GRIA1: variants seen among roughly 807,000 people sequenced by gnomAD.
GRIA1 encodes the protein glutamate ionotropic receptor AMPA type subunit 1, also known as glutamate receptor 1.
GRIA1 carries 31 observed loss-of-function variants against 99.2 expected under a neutral mutation model. The ratio of observed to expected loss-of-function variants is 0.31; its 90% CI spans 0.23 to 0.42. The LOEUF is 0.42. GRIA1 is among the 10% of genes least tolerant of loss of function. The pLI is 1.00. For missense variants in GRIA1, 782 were observed against 1,157.5 expected (o/e 0.68, Z 4.71); for synonymous variants, 438 against 432.4 (o/e 1.01, Z -0.16).
intron 2 of GRIA1, among the ~76,000 whole-genome samples, chr5:153,638,246 C>T (rs1402298338): frequency 6.6e-6 from 1 of 152,176 alleles, no homozygotes; most frequent in Non-Finnish European, 1.5e-5. Flanking sequence ...CCACTCTATT[C>T]CACAGTGTCT....
chr5:153,504,650 T>C (rs1440988374), intron 2 of GRIA1, among the ~76,000 whole-genome samples: 1 of 152,138 alleles, frequency 6.6e-6, no homozygotes, highest in Non-Finnish European at 1.5e-5. Flanking sequence ...TTCAGGCTTC[T>C]GAGTTAATCA....
chr5:153,660,859 A>G (rs1755320786), intron 5 of GRIA1, among the ~76,000 whole-genome samples: 1 of 152,146 alleles, frequency 6.6e-6, no homozygotes, highest in African/African-American at 2.4e-5. Context: ...CATTGATGGA[A>G]TTTTATTAAA....
chr5:153,555,034 C>T (rs4260727), intron 2 of GRIA1, among the ~76,000 whole-genome samples: 70,902 of 151,820 alleles, frequency 0.47, 18,284 homozygotes, highest in Non-Finnish European at 0.59. Context: ...CTTTTGCTAC[C>T]AGGACATGCA....
chr5:153,736,619 A>T (rs1285308523), intron 11 of GRIA1, among the ~76,000 whole-genome samples: 2 of 152,202 alleles, frequency 1.3e-5, no homozygotes, highest in African/African-American at 4.8e-5. Context: ...ATCTCCCTGG[A>T]TTCAAAAATG....
chr5:153,544,742 G>A, intron 2 of GRIA1, among the ~76,000 whole-genome samples: 1 of 152,218 alleles, frequency 6.6e-6, no homozygotes, highest in African/African-American at 2.4e-5. Context: ...GGAAAAGATA[G>A]CTAGTAAGAT....
At chr5:153,782,772 G>A (rs1412832590) in intron 13 of GRIA1, among the ~76,000 whole-genome samples, 5 of 152,108 alleles carry the variant, frequency 3.3e-5, no homozygotes, top group Admixed American at 6.5e-5. Flanking sequence ...ACAGCCAGGC[G>A]GAAGACGGGG....
intron 8 of GRIA1, among the ~76,000 whole-genome samples, chr5:153,691,305 A>T (rs1432552124): frequency 1.3e-5 from 2 of 152,214 alleles, no homozygotes; most frequent in African/African-American, 2.4e-5. Flanking sequence ...ATTCTGATAA[A>T]TGGCTGCCCA....
At chr5:153,503,575 T>C (rs1389125820) in intron 2 of GRIA1, among the ~76,000 whole-genome samples, 1 of 152,216 alleles carries the variant, frequency 6.6e-6, no homozygotes, top group Non-Finnish European at 1.5e-5. Context: ...TACCCATAAA[T>C]GAATCTATTT....
chr5:153,603,220 A>G (rs1244334635), intron 2 of GRIA1, among the ~76,000 whole-genome samples: 1 of 152,010 alleles, frequency 6.6e-6, no homozygotes, highest in East Asian at 1.9e-4. Context: ...ATGATTTCCA[A>G]TTTCATCCAT....
intron 2 of GRIA1, among the ~76,000 whole-genome samples, chr5:153,620,711 A>C (rs1287988583): frequency 1.3e-5 from 2 of 152,270 alleles, no homozygotes; most frequent in African/African-American, 4.8e-5. Flanking sequence ...CCTATTTATA[A>C]AATGGGGAAA....
intron 11 of GRIA1, among the ~76,000 whole-genome samples, chr5:153,728,062 C>A (rs1345311300): frequency 6.6e-6 from 1 of 150,978 alleles, no homozygotes; most frequent in Non-Finnish European, 1.5e-5. Flanking sequence ...AGAACAGAGC[C>A]CTCAGAAATA....
At chr5:153,660,619 C>G (rs568961864) in intron 5 of GRIA1, among the ~76,000 whole-genome samples, 1 of 152,266 alleles carries the variant, frequency 6.6e-6, no homozygotes, top group South Asian at 2.1e-4. Context: ...TCTGACATTC[C>G]AACCCAGGCT....
intron 11 of GRIA1, among the ~76,000 whole-genome samples, chr5:153,747,157 C>A (rs1762211044): frequency 6.6e-6 from 1 of 152,166 alleles, no homozygotes; most frequent in East Asian, 1.9e-4. Context: ...GTGGGCTATA[C>A]AAGCATGGCA....
intron 2 of GRIA1, among the ~76,000 whole-genome samples, chr5:153,547,676 C>G (rs1006390552): frequency 3.3e-5 from 5 of 152,176 alleles, no homozygotes; most frequent in Non-Finnish European, 7.3e-5. Flanking sequence ...TTAGTAATAG[C>G]TAGTTACTTG....
chr5:153,581,754 CT>C (rs10710677), intron 2 of GRIA1, among the ~76,000 whole-genome samples: 126,173 of 139,530 alleles, frequency 0.9, 57,177 homozygotes, highest in East Asian at 0.99. Context: ...TTTCTTTTCT[CT>C]TTTTTTTTTT....
intron 10 of GRIA1, among the ~76,000 whole-genome samples, chr5:153,704,602 C>T (rs1758759533): frequency 6.6e-6 from 1 of 152,172 alleles, no homozygotes; most frequent in South Asian, 2.1e-4. Flanking sequence ...AGACTTCTTC[C>T]TGAAGAAGAA....
chr5:153,683,036 C>G (rs17115017), intron 7 of GRIA1, among the ~76,000 whole-genome samples: 1 of 152,130 alleles, frequency 6.6e-6, no homozygotes, highest in Non-Finnish European at 1.5e-5. Context: ...GACAGAAGTT[C>G]CGGGAGCAGG....
At chr5:153,801,974 A>C in intron 14 of GRIA1, among the ~76,000 whole-genome samples, 2 of 150,474 alleles carry the variant, frequency 1.3e-5, no homozygotes, top group South Asian at 2.1e-4. Flanking sequence ...GGGGGCAGGA[A>C]TGGAGCTGAA....
chr5:153,510,400 G>T (rs1005791391), intron 2 of GRIA1, among the ~76,000 whole-genome samples: 1 of 152,174 alleles, frequency 6.6e-6, no homozygotes. Context: ...AGATGACTTT[G>T]TTGATCCTAG....
Sources: gnomAD v4.1 joint callset for allele counts (sites outside exome capture counted in the v4.1 genomes callset) on GRCh38, gnomAD v4.1.1 for gene constraint, MANE v1.5 for transcripts, NCBI Gene and HGNC (gene_info 2026-07-23, HGNC 2026-07-21) for gene names.